SPAST: variants seen among roughly 807,000 people sequenced by gnomAD.
SPAST encodes the protein spastin, also known as spastic paraplegia 4 (autosomal dominant; spastin).
In SPAST, 30 loss-of-function variants were observed where a neutral mutation model predicts 76.6. The observed-to-expected ratio is 0.39, with a 90% confidence interval of 0.29 to 0.53. The LOEUF (loss-of-function observed/expected upper bound fraction) is 0.53. SPAST is among the 20% of genes least tolerant of loss of function. The pLI is 0.68. For missense variants in SPAST, 717 were observed against 770.5 expected, an observed-to-expected ratio of 0.93 and a Z score of 0.82; for synonymous variants, 305 against 281.0, an observed-to-expected ratio of 1.09 and a Z score of -0.86.
At position 32,154,709 on chromosome 2, in the gene SPAST, G is replaced by C. The variant is rs1219037690; in HGVS notation, c.*213G>C. 1 of 549,044 alleles carries C rather than the reference G, an allele frequency of 1.8e-6. No homozygotes were observed. The highest frequency in any genetic ancestry group is 1.9e-5 in the African/African-American group (1 of 52,636). 34.0% of individuals were successfully genotyped at this position (549,044 alleles called of 1,614,324 possible). On this transcript the variant is annotated 3_prime_UTR_variant, in exon 17 of 17. Transcript: ENST00000315285. ...TTTTTGTTGTTTAAGGCCTTGCCTT[G>C]ATGGTCACAGTTATCCCAATGGACA...
Position 32,117,460 on chromosome 2 carries a change from GT to G in SPAST, c.1098+1258del, listed in dbSNP as rs566035802. ...TAATAAACAAGTACTTTATGGGAAA[GT>G]TTTTTTTTTAATTATTTTTAAAAAG... On this transcript the variant is annotated intron_variant, in intron 7 of 16. Transcript: ENST00000315285. Among the ~76,000 whole-genome samples the G allele has an allele frequency of 4.4e-3, 633 of 144,302 alleles. 1 individual carries two copies. Among genetic ancestry groups the G allele is most frequent in the Non-Finnish European group, 6.8e-3 (446 of 65,626 alleles). 94.7% of individuals were successfully genotyped at this position (144,302 alleles called of 152,430 possible).
At chr2:32,072,827 A>G (rs1485876633) in intron 1 of SPAST, among the ~76,000 whole-genome samples, 1 of 152,238 alleles carries the variant, frequency 6.6e-6, no homozygotes, top group African/African-American at 2.4e-5. Flanking sequence ...CCACTTTGAA[A>G]GGATTAATTT....
rs1182763020 is a variant in SPAST at position 32,114,640 on chromosome 2, A to G, written c.685A>G (p.Ser229Gly). The G allele has an allele frequency of 2.4e-5, 38 of 1,613,636 alleles. No individual in the cohort carries two copies. The highest frequency in any genetic ancestry group is 3.0e-5 in the Non-Finnish European group (35 of 1,179,670). ...TGGTTTTACTTTTTCCTTGTCAGAA[A>G]GTGGAGCTGTTCCAAAAAGAAAAGA... ...ACRNGHLQSE[S>G]GAVPKRKDPL... Residue 229 changes from serine to glycine, a missense_variant and splice_region_variant, in exon 5 of 17, where the codon AGT becomes GGT. Ser to Gly is a moderately conservative substitution (Grantham distance 56). This residue lies in a region of SPAST where 543 missense variants were observed against 445.2 expected (regional missense o/e 1.22). Transcript: ENST00000315285.
chr2:32,125,320 T>C (rs1259957989), intron 7 of SPAST, among the ~76,000 whole-genome samples: 6 of 151,774 alleles, frequency 4.0e-5, no homozygotes, highest in Non-Finnish European at 2.9e-5. Flanking sequence ...GCCTCCAGGG[T>C]TCAAGCGATT....
At chr2:32,091,571 G>A (rs1447081057) in intron 3 of SPAST, among the ~76,000 whole-genome samples, 2 of 148,724 alleles carry the variant, frequency 1.3e-5, no homozygotes, top group South Asian at 2.2e-4. Context: ...GGTGGCTAAC[G>A]CCTGTAATCC....
chr2:32,102,681 G>T (rs1451889400), intron 4 of SPAST, among the ~76,000 whole-genome samples: 1 of 148,990 alleles, frequency 6.7e-6, no homozygotes, highest in Admixed American at 6.8e-5. Context: ...TAGCATGAAG[G>T]GCTGTTGAAT....
chr2:32,110,536 TATA>T (rs1678520521), intron 4 of SPAST, among the ~76,000 whole-genome samples: 1 of 132,526 alleles, frequency 7.5e-6, no homozygotes, highest in Non-Finnish European at 1.6e-5. Flanking sequence ...AGTGTGTATA[TATA>T]GTATATATAT....
intron 1 of SPAST, among the ~76,000 whole-genome samples, chr2:32,067,741 T>A (rs891051788): frequency 2.1e-5 from 3 of 144,464 alleles, no homozygotes; most frequent in African/African-American, 7.7e-5. Context: ...GGCTCATTCC[T>A]AGGCTTAAGT....
intron 1 of SPAST, among the ~76,000 whole-genome samples, chr2:32,066,675 A>T (rs896764281): frequency 2.6e-5 from 4 of 151,936 alleles, no homozygotes; most frequent in Non-Finnish European, 5.9e-5. Context: ...CTTGAAAAAA[A>T]AAAGTAGGTC....
At chr2:32,091,217 T>A (rs1677700712) in intron 3 of SPAST, among the ~76,000 whole-genome samples, 2 of 148,874 alleles carry the variant, frequency 1.3e-5, no homozygotes, top group African/African-American at 4.9e-5. Flanking sequence ...CATGTCTGGG[T>A]CTTTTTTATC....
chr2:32,127,752 A>G (rs1299606066), intron 8 of SPAST: 1 of 152,006 alleles, frequency 6.6e-6, no homozygotes, highest in Non-Finnish European at 1.5e-5. Flanking sequence ...AGAAACAAAG[A>G]GGGAAAGAGT....
chr2:32,107,776 A>C (rs574329268), intron 4 of SPAST, among the ~76,000 whole-genome samples: 1 of 152,292 alleles, frequency 6.6e-6, no homozygotes, highest in East Asian at 1.9e-4. Context: ...TTGGAAGGGC[A>C]TATTGGCTTT....
intron 1 of SPAST, among the ~76,000 whole-genome samples, chr2:32,076,656 G>A (rs1676972599): frequency 6.6e-6 from 1 of 151,978 alleles, no homozygotes; most frequent in African/African-American, 2.4e-5. Context: ...AGTTTGCTGG[G>A]GATTAACACA....
At chr2:32,139,496 A>C (rs948243830) in intron 12 of SPAST, among the ~76,000 whole-genome samples, 1 of 152,196 alleles carries the variant, frequency 6.6e-6, no homozygotes, top group Non-Finnish European at 1.5e-5. Context: ...CTAAGAGTCA[A>C]ATCAAGAACA....
chr2:32,123,311 T>C (rs1466946338), intron 7 of SPAST, among the ~76,000 whole-genome samples: 1 of 151,514 alleles, frequency 6.6e-6, no homozygotes, highest in Non-Finnish European at 1.5e-5. Flanking sequence ...AAATGAAATA[T>C]GTGTAGTTCT....
At chr2:32,146,561 G>A (rs1679891497) in intron 15 of SPAST, among the ~76,000 whole-genome samples, 1 of 150,816 alleles carries the variant, frequency 6.6e-6, no homozygotes. Context: ...ATAGTGAGGT[G>A]CTGTCTTAAA....
chr2:32,083,655 C>CTATATATATA (rs61231740), intron 1 of SPAST, among the ~76,000 whole-genome samples: 4 of 124,254 alleles, frequency 3.2e-5, no homozygotes, highest in African/African-American at 1.2e-4. Flanking sequence ...ACTCTGCCTA[C>CTATATATATA]TATATATATA....
chr2:32,154,309 T>A, intron 16 of SPAST, 65 bp from the exon 17 acceptor site: 1 of 1,394,270 alleles, frequency 7.2e-7, no homozygotes, highest in Non-Finnish European at 1.0e-6. Context: ...CTTTAATCCA[T>A]CATTTCGTTA....
At chr2:32,100,457 T>TTA (rs953138514) in intron 4 of SPAST, among the ~76,000 whole-genome samples, 25 of 151,822 alleles carry the variant, frequency 1.6e-4, no homozygotes, top group Non-Finnish European at 2.9e-4. Context: ...GGCATAATAA[T>TTA]TATATATATA....
Sources: gnomAD v4.1 joint callset for allele counts (sites outside exome capture counted in the v4.1 genomes callset) on GRCh38, gnomAD v4.1.1 for gene constraint, gnomAD v4.1.1 regional missense constraint, MANE v1.5 for transcripts, NCBI Gene and HGNC (gene_info 2026-07-23, HGNC 2026-07-21) for gene names.